RANBP2: variants seen among roughly 807,000 people sequenced by gnomAD.
RANBP2 encodes RAN binding protein 2.
A neutral mutation model predicts 303.6 loss-of-function variants in RANBP2; 57 were observed. That is an observed-to-expected ratio of 0.19 (90% CI 0.15 to 0.23). The LOEUF (loss-of-function observed/expected upper bound fraction) is 0.23, where lower values mean the gene tolerates loss of function less well. Ranked by LOEUF, RANBP2 falls within the 10% of genes least tolerant of loss-of-function variation. RANBP2 has a pLI of 1.00. For missense variants in RANBP2, 3,138 were observed against 3,780.8 expected (o/e 0.83, Z 4.46); for synonymous variants, 1,167 against 1,301.5 (o/e 0.90, Z 2.23).
chr2:109,287,261 C>T, the RANBP2 span, among the ~76,000 whole-genome samples: 2 of 152,160 alleles, frequency 1.3e-5, no homozygotes, highest in African/African-American at 2.4e-5. Flanking sequence ...CTTGGTCTCT[C>T]CTGTGTAGTG....
chr2:109,463,517 A>G, the RANBP2 span, among the ~76,000 whole-genome samples: 1 of 152,178 alleles, frequency 6.6e-6, no homozygotes, highest in East Asian at 1.9e-4. Context: ...TGTTTCTCAT[A>G]GTCGTGGTGA....
At chr2:109,564,611 C>A in the RANBP2 span, 1 of 1,247,348 alleles carries the variant, frequency 8.0e-7, no homozygotes, top group Non-Finnish European at 1.1e-6. Context: ...GCTGAATGAA[C>A]AAATAAATGA....
the RANBP2 span, among the ~76,000 whole-genome samples, chr2:109,171,653 G>A: frequency 6.6e-6 from 1 of 152,222 alleles, no homozygotes; most frequent in Non-Finnish European, 1.5e-5. Flanking sequence ...ATGAATCCAG[G>A]GCTCCAGGGC....
At chr2:109,238,845 G>T in the RANBP2 span, among the ~76,000 whole-genome samples, 1 of 152,102 alleles carries the variant, frequency 6.6e-6, no homozygotes, top group African/African-American at 2.4e-5. Flanking sequence ...CAGCCAGTGT[G>T]GGGGGCAGTC....
At chr2:108,860,441 C>T in the RANBP2 span, among the ~76,000 whole-genome samples, 1 of 151,588 alleles carries the variant, frequency 6.6e-6, no homozygotes, top group Non-Finnish European at 1.5e-5. Flanking sequence ...TCAACTTTTC[C>T]CCATTAAATA....
chr2:109,288,427 G>A, the RANBP2 span, among the ~76,000 whole-genome samples: 1 of 152,198 alleles, frequency 6.6e-6, no homozygotes, highest in African/African-American at 2.4e-5. Context: ...GGATATGCCA[G>A]CTTTAAAACC....
the RANBP2 span, among the ~76,000 whole-genome samples, chr2:109,006,672 A>G: frequency 6.6e-6 from 1 of 152,148 alleles, no homozygotes; most frequent in Admixed American, 6.5e-5. Context: ...CCCGAAGTCC[A>G]CAGAGCTTTT....
At chr2:109,051,939 C>T in the RANBP2 span, among the ~76,000 whole-genome samples, 7 of 151,828 alleles carry the variant, frequency 4.6e-5, no homozygotes, top group African/African-American at 7.3e-5. Flanking sequence ...TAGTAGAGAC[C>T]GGGTTTCACC....
chr2:108,994,210 T>G, the RANBP2 span, among the ~76,000 whole-genome samples: 1 of 152,302 alleles, frequency 6.6e-6, no homozygotes, highest in South Asian at 2.1e-4. Flanking sequence ...ATGACTCTGG[T>G]CACATAAAGG....
chr2:108,737,551 CTT>C (rs61550954), intron 6 of RANBP2, among the ~76,000 whole-genome samples: 31 of 119,486 alleles, frequency 2.6e-4, no homozygotes, highest in South Asian at 1.4e-3. Flanking sequence ...GTCTCAAGCT[CTT>C]TTTTTTTTTT....
At chr2:109,641,012 G>C in the RANBP2 span, among the ~76,000 whole-genome samples, 2 of 150,462 alleles carry the variant, frequency 1.3e-5, no homozygotes, top group Non-Finnish European at 2.9e-5. Context: ...TAGATATTTG[G>C]GATGTCTAAA....
At chr2:108,956,013 G>A in the RANBP2 span, among the ~76,000 whole-genome samples, 4 of 152,032 alleles carry the variant, frequency 2.6e-5, no homozygotes, top group South Asian at 4.2e-4. Context: ...TGGGCAACAG[G>A]GCAAGACTCT....
the RANBP2 span, among the ~76,000 whole-genome samples, chr2:109,631,156 TCA>T: frequency 6.6e-6 from 1 of 152,174 alleles, no homozygotes; most frequent in Non-Finnish European, 1.5e-5. Context: ...AGACATGATA[TCA>T]TTGCTATATG....
At chr2:109,309,830 G>T in the RANBP2 span, among the ~76,000 whole-genome samples, 1 of 113,430 alleles carries the variant, frequency 8.8e-6, no homozygotes, top group Non-Finnish European at 1.7e-5. Context: ...GGAGCACCCA[G>T]ATTCATAAAG....
At chr2:109,460,295 A>G in the RANBP2 span, among the ~76,000 whole-genome samples, 11,382 of 152,250 alleles carry the variant, frequency 0.075, 499 homozygotes, top group African/African-American at 0.11. Context: ...ACAAAACACC[A>G]TTGCCCCTTC....
chr2:108,867,087 G>C, the RANBP2 span, among the ~76,000 whole-genome samples: 1 of 152,066 alleles, frequency 6.6e-6, no homozygotes, highest in African/African-American at 2.4e-5. Context: ...TCACTGGGTT[G>C]AGAACTGTTC....
At chr2:109,503,303 C>T in the RANBP2 span, 1 of 152,116 alleles carries the variant, frequency 6.6e-6, no homozygotes, top group African/African-American at 2.4e-5. Flanking sequence ...GGGATGTAAC[C>T]AATTCCAGAA....
the RANBP2 span, among the ~76,000 whole-genome samples, chr2:109,063,774 G>T: frequency 6.6e-6 from 1 of 151,384 alleles, no homozygotes; most frequent in African/African-American, 2.4e-5. Flanking sequence ...GGGCAGCCTG[G>T]CCAAAAGGGG....
chr2:109,087,476 G>C, the RANBP2 span, among the ~76,000 whole-genome samples: 3 of 152,114 alleles, frequency 2.0e-5, no homozygotes, highest in Non-Finnish European at 4.4e-5. Flanking sequence ...AACTCTGAGC[G>C]CAGGGCTCTC....
Sources: gnomAD v4.1 joint callset for allele counts (sites outside exome capture counted in the v4.1 genomes callset) on GRCh38, gnomAD v4.1.1 for gene constraint, MANE v1.5 for transcripts, NCBI Gene and HGNC (gene_info 2026-07-23, HGNC 2026-07-21) for gene names.